Variants in DNAH14 observed in about 807,000 individuals in gnomAD.
DNAH14 encodes the protein dynein axonemal heavy chain 14, also known as axonemal beta dynein heavy chain 14.
A neutral mutation model predicts 520.9 loss-of-function variants in DNAH14; 478 were observed. That is an observed-to-expected ratio of 0.92 (90% CI 0.85 to 0.99). DNAH14 has a LOEUF of 0.99. DNAH14 is among the 50% of genes least tolerant of loss of function. The pLI is 0.00. For missense variants in DNAH14, 4,831 were observed against 5,234.5 expected (o/e 0.92, Z 2.38); for synonymous variants, 1,581 against 1,757.2 (o/e 0.90, Z 2.51).
rs1356636748 is a variant in DNAH14 at position 225,119,303 on chromosome 1, A to T, written c.4166+9A>T. 1.3e-6 allele frequency: 2 copies of T among 1,499,244 alleles called. No individual in the cohort carries two copies. The highest frequency in any genetic ancestry group is 1.8e-6 in the Non-Finnish European group (2 of 1,119,514). The allele number at this position is 1,499,244 out of a possible 1,614,324, so 92.9% of individuals were successfully genotyped here. Reference sequence around the variant, plus strand: ...TTCGATGTGCTAAAAAAGTAAGTACAATTTTCAAATCCTAAAATTATATAT... The same window carrying T: ...TTCGATGTGCTAAAAAAGTAAGTACTATTTTCAAATCCTAAAATTATATAT... On this transcript the variant is annotated intron_variant, in intron 26 of 85. Transcript: ENST00000682510.
Position 225,109,362 on chromosome 1 carries a change from C to T in DNAH14, c.3868-8322C>T, listed in dbSNP as rs950741233. Among the ~76,000 whole-genome samples the T allele has an allele frequency of 2.0e-5, 3 of 151,994 alleles. No homozygotes were observed. In the South Asian group the frequency reaches 6.2e-4, roughly 31 times the overall value. ...AATTCATGTAATATGGAATATCTTT[C>T]CATTTTTTGGTGTCCTCATCAATTT... On this transcript the variant is annotated intron_variant, in intron 23 of 85. Transcript: ENST00000682510.
At chr1:225,247,887 C>T (rs1047011513) in intron 43 of DNAH14, among the ~76,000 whole-genome samples, 8 of 152,004 alleles carry the variant, frequency 5.3e-5, no homozygotes, top group Non-Finnish European at 1.0e-4. Context: ...GGCACGGTGG[C>T]GGGCGCCTGT....
chr1:225,082,465 GAAA>G (rs920377195), intron 19 of DNAH14, 81 bp from the exon 20 acceptor site: 5 of 1,122,326 alleles, frequency 4.5e-6, no homozygotes, highest in South Asian at 4.6e-5. Context: ...AAATTTTAAA[GAAA>G]AAAATCTTAT....
intron 44 of DNAH14, among the ~76,000 whole-genome samples, chr1:225,252,886 A>G (rs1217106055): frequency 6.6e-6 from 1 of 152,218 alleles, no homozygotes; most frequent in Non-Finnish European, 1.5e-5. Flanking sequence ...GCATCTACAT[A>G]TAGCAGAAAA....
chr1:224,971,850 T>G (rs922663226), intron 7 of DNAH14, among the ~76,000 whole-genome samples: 2 of 152,254 alleles, frequency 1.3e-5, no homozygotes, highest in Middle Eastern at 3.4e-3. Context: ...TGTAGATGAC[T>G]GAGTAACAGT....
chr1:225,268,111 C>A (rs576121020), intron 49 of DNAH14, among the ~76,000 whole-genome samples: 2 of 152,190 alleles, frequency 1.3e-5, no homozygotes, highest in African/African-American at 4.8e-5. Flanking sequence ...AACCAGAAGC[C>A]TCTTTGCTAA....
chr1:225,015,080 T>C (rs1487999990), intron 10 of DNAH14, among the ~76,000 whole-genome samples: 1 of 152,224 alleles, frequency 6.6e-6, no homozygotes, highest in Non-Finnish European at 1.5e-5. Context: ...AGGTTTTCAC[T>C]TTAAATCTGT....
At chr1:224,971,819 T>G (rs1004964688) in intron 7 of DNAH14, among the ~76,000 whole-genome samples, 1 of 152,222 alleles carries the variant, frequency 6.6e-6, no homozygotes, top group African/African-American at 2.4e-5. Flanking sequence ...TCTGTTATTT[T>G]CTGGGACCTG....
intron 77 of DNAH14, among the ~76,000 whole-genome samples, chr1:225,373,819 C>A (rs2095650115): frequency 1.3e-5 from 2 of 151,800 alleles, no homozygotes. Flanking sequence ...CAAAAAAGAA[C>A]TAGTGGATAA....
chr1:224,991,084 C>CATTTTTTTTT (rs1558617220), intron 8 of DNAH14, among the ~76,000 whole-genome samples: 2 of 77,900 alleles, frequency 2.6e-5, no homozygotes, highest in Non-Finnish European at 2.8e-5. Context: ...TGATGTTGAG[C>CATTTTTTTTT]TTTTTTTTTT....
At chr1:225,097,501 C>T (rs979972265) in intron 22 of DNAH14, among the ~76,000 whole-genome samples, 9 of 152,056 alleles carry the variant, frequency 5.9e-5, no homozygotes, top group Non-Finnish European at 7.4e-5. Flanking sequence ...TGGCTGGGCA[C>T]GTTCACTCAC....
chr1:225,074,371 G>A (rs893811435), intron 17 of DNAH14, among the ~76,000 whole-genome samples: 1 of 152,212 alleles, frequency 6.6e-6, no homozygotes, highest in Non-Finnish European at 1.5e-5. Flanking sequence ...CTGGTTTGGA[G>A]AGTCCACCCA....
At chr1:225,399,003 G>A (rs1486776292) in intron 85 of DNAH14, 51 bp from the exon 86 acceptor site, 8 of 1,310,232 alleles carry the variant, frequency 6.1e-6, no homozygotes, top group Non-Finnish European at 8.5e-6. Context: ...GTGAGCTACT[G>A]ATTCACTTGA....
At chr1:225,072,141 A>G (rs992521987) in intron 17 of DNAH14, among the ~76,000 whole-genome samples, 1 of 152,204 alleles carries the variant, frequency 6.6e-6, no homozygotes, top group Non-Finnish European at 1.5e-5. Context: ...ATGTTTTTCA[A>G]GTTGGCTCCA....
rs148940239 is a variant in DNAH14 at position 225,024,350 on chromosome 1, C to A, written c.1358+485C>A. On this transcript the variant is annotated intron_variant, in intron 11 of 85. Coordinates refer to ENST00000682510, the MANE Select transcript of DNAH14 (RefSeq NM_001367479.1). The stretch of plus-strand genomic sequence containing the variant: ...AATATTTTCCCAATGAAAAAACTAT[C>A]TGAAAAACATTTTTACCTTCTAAAC... 5.6e-4 allele frequency: 427 copies of A among 768,130 alleles called. 2 individuals are homozygous for A. The African/African-American group carries it at 7.6e-3, about 14-fold the overall frequency. The allele number at this position is 768,130 out of a possible 1,614,324, so 47.6% of individuals were successfully genotyped here.
At position 225,207,000 on chromosome 1, in the gene DNAH14, T is replaced by C; in HGVS notation, c.6219T>C (p.Val2073=). 1 of 1,535,270 alleles carries C rather than the reference T, an allele frequency of 6.5e-7. No homozygotes were observed. Among genetic ancestry groups the C allele is most frequent in the East Asian group, 2.5e-5 (1 of 40,490 alleles). ...TTGATCTGGGATGGGAACCTTATGTTAAGTCATGGCTTCTGAAAACTTCTA... is the reference window on the plus strand; with the variant it reads ...TTGATCTGGGATGGGAACCTTATGTCAAGTCATGGCTTCTGAAAACTTCTA... ...DPVDLGWEPY[V]KSWLLKTSKI... The change falls in exon 41 of 86, where the codon GTT becomes GTC. Residue 2073 remains valine (V), a synonymous_variant. Coordinates refer to ENST00000682510, the MANE Select transcript of DNAH14 (RefSeq NM_001367479.1).
In DNAH14 at chr1:225,129,448, T is replaced by C. The variant is rs1428846361; in HGVS notation, c.4254+5834T>C. Among the ~76,000 whole-genome samples the C allele has an allele frequency of 6.0e-5, 9 of 151,172 alleles. No homozygotes were observed. The South Asian group carries it at 1.7e-3, about 28-fold the overall frequency. On this transcript the variant is annotated intron_variant, in intron 27 of 85. Coordinates refer to ENST00000682510, the MANE Select transcript of DNAH14 (RefSeq NM_001367479.1). ...CAAGGCTACAGTAACCAAAACAGCA[T>C]GGTACTGGTACCAAAACAGAGATAT...
At chr1:225,119,150 G>T in intron 25 of DNAH14, 70 bp from the exon 26 acceptor site, 1 of 1,180,842 alleles carries the variant, frequency 8.5e-7, no homozygotes, top group Non-Finnish European at 1.2e-6. Flanking sequence ...TAGTCTACAG[G>T]CTTGTCAAAG....
chr1:225,336,449 A>G (rs1382798911), intron 66 of DNAH14, among the ~76,000 whole-genome samples: 1 of 151,574 alleles, frequency 6.6e-6, no homozygotes, highest in African/African-American at 2.4e-5. Flanking sequence ...ACCTAATAAC[A>G]TGATCTCAAA....
Sources: allele counts gnomAD v4.1 joint callset (sites outside exome capture counted in the v4.1 genomes callset), GRCh38; gene constraint gnomAD v4.1.1; transcripts MANE v1.5; gene names NCBI Gene and HGNC (gene_info 2026-07-23, HGNC 2026-07-21).